The following THADA variants were observed in gnomAD, a reference collection of about 807,000 sequenced individuals.
THADA encodes the protein THADA armadillo repeat containing.
THADA carries 213 observed loss-of-function variants against 219.8 expected under a neutral mutation model. The observed-to-expected ratio is 0.97, with a 90% CI of 0.87 to 1.09. THADA has a LOEUF of 1.09. THADA is among the 50% of genes least tolerant of loss of function. The pLI is 0.00. For missense variants in THADA, 2,956 were observed against 2,311.3 expected (o/e 1.28, Z -5.72); for synonymous variants, 1,018 against 828.9 (o/e 1.23, Z -3.92).
intron 36 of THADA, among the ~76,000 whole-genome samples, chr2:43,254,307 G>C (rs1024706999): frequency 1.3e-5 from 2 of 151,992 alleles, no homozygotes; most frequent in Non-Finnish European, 2.9e-5. Context: ...ACCAACCTAG[G>C]AGCAGAAGGG....
chr2:43,498,692 T>C (rs1688569311), intron 25 of THADA, 141 bp downstream of exon 25: 2 of 955,710 alleles, frequency 2.1e-6, no homozygotes, highest in East Asian at 2.8e-5. Flanking sequence ...GAATCAAAAA[T>C]GTAGCTTGAT....
intron 13 of THADA, 102 bp from the exon 14 acceptor site, chr2:43,570,612 T>G (rs1699187069): frequency 1.6e-6 from 2 of 1,218,314 alleles, no homozygotes; most frequent in East Asian, 5.2e-5. Context: ...GCAAGAAGAG[T>G]ACAGATTTTT....
intron 26 of THADA, among the ~76,000 whole-genome samples, chr2:43,469,557 T>A (rs151124673): frequency 6.6e-6 from 1 of 152,170 alleles, no homozygotes; most frequent in African/African-American, 2.4e-5. Context: ...TATACATAAC[T>A]GGTAAATTTG....
At chr2:43,247,710 A>C (rs2104104786) in intron 36 of THADA, among the ~76,000 whole-genome samples, 1 of 134,978 alleles carries the variant, frequency 7.4e-6, no homozygotes. Flanking sequence ...GACTGGCGAC[A>C]GAGCAAGACT....
rs370538247 is a variant in THADA, at chr2:43,574,554, T to C, written c.1511A>G (p.Asn504Ser). Residue 504 changes from asparagine (N) to serine (S), a missense_variant, in exon 11 of 38, where the codon AAT (asparagine) becomes AGT (serine). Physicochemically the swap from Asn to Ser is conservative, Grantham distance 46 (BLOSUM62 1). Coordinates refer to ENST00000405975, the MANE Select transcript of THADA (RefSeq NM_022065.5). ...ASDLLETMFR[N>S]HKSHLKSQTA... ...CTGGGATTTCAAATGACTCTTATGA[T>C]TTCTAAACATGGTTTCCAAGAGGTC... The C allele has an allele frequency of 1.1e-5, 17 of 1,613,876 alleles. No individual in the cohort carries two copies. The highest frequency in any genetic ancestry group is 2.2e-5 in the South Asian group (2 of 91,080).
chr2:43,558,196 G>A (rs1697619158), intron 16 of THADA, among the ~76,000 whole-genome samples: 1 of 152,166 alleles, frequency 6.6e-6, no homozygotes, highest in African/African-American at 2.4e-5. Flanking sequence ...TAACCTAGGT[G>A]AGTAGGATAG....
rs181046747 is a variant in THADA, at chr2:43,551,524, T to C, written c.2947+265A>G. 4.6e-5 allele frequency among the ~76,000 whole-genome samples: 7 copies of C among 151,892 alleles called. No homozygotes were observed. The East Asian group carries it at 5.8e-4, about 13-fold the overall frequency. On this transcript the variant is annotated intron_variant, in intron 19 of 37. Coordinates refer to ENST00000405975, the MANE Select transcript of THADA (RefSeq NM_022065.5). The stretch of plus-strand genomic sequence containing the variant: ...TTTCAGATTTGGGATGTTCAACTTA[T>C]ACAGTATTATATAACTCAAGTTACC...
chr2:43,343,064 G>C (rs1031311812), intron 30 of THADA: 1 of 151,900 alleles, frequency 6.6e-6, no homozygotes, highest in Non-Finnish European at 1.5e-5. Flanking sequence ...GTCTCACTCT[G>C]TCACCCAGTC....
intron 29 of THADA, among the ~76,000 whole-genome samples, chr2:43,394,612 G>C (rs1196648679): frequency 6.6e-6 from 1 of 152,174 alleles, no homozygotes; most frequent in African/African-American, 2.4e-5. Flanking sequence ...GCTTTATGTG[G>C]AGAGGAATCT....
intron 29 of THADA, among the ~76,000 whole-genome samples, chr2:43,363,908 A>C (rs1275784833): frequency 6.6e-6 from 1 of 152,110 alleles, no homozygotes; most frequent in Non-Finnish European, 1.5e-5. Flanking sequence ...CTCATAGAGC[A>C]AGATCTTCTC....
intron 31 of THADA, among the ~76,000 whole-genome samples, chr2:43,314,831 G>T (rs1677897552): frequency 6.6e-6 from 1 of 152,218 alleles, no homozygotes; most frequent in South Asian, 2.1e-4. Context: ...GAGAGTCCTT[G>T]TGGGTTTAAA....
intron 36 of THADA, among the ~76,000 whole-genome samples, chr2:43,248,164 T>TATAG (rs1669412946): frequency 1.0e-3 from 42 of 40,938 alleles, no homozygotes; most frequent in Non-Finnish European, 1.3e-3. Context: ...TATATATATA[T>TATAG]AGAGAGAGAG....
chr2:43,473,612 G>A (rs1421489896), intron 26 of THADA, among the ~76,000 whole-genome samples: 1 of 151,806 alleles, frequency 6.6e-6, no homozygotes, highest in Non-Finnish European at 1.5e-5. Flanking sequence ...AATCGTACAT[G>A]TTAGGCTTTT....
chr2:43,561,301 T>C (rs996260248), intron 15 of THADA, among the ~76,000 whole-genome samples: 3 of 152,218 alleles, frequency 2.0e-5, no homozygotes, highest in African/African-American at 7.2e-5. Flanking sequence ...CAAACTCTTA[T>C]TCAAGTGTAA....
At chr2:43,345,326 G>A (rs1667516703) in intron 29 of THADA, among the ~76,000 whole-genome samples, 1 of 152,312 alleles carries the variant, frequency 6.6e-6, no homozygotes, top group Middle Eastern at 3.4e-3. Flanking sequence ...GACCCTAAAT[G>A]GGTAGACTGG....
chr2:43,317,950 A>C (rs1400006697), intron 31 of THADA, among the ~76,000 whole-genome samples: 1 of 152,132 alleles, frequency 6.6e-6, no homozygotes, highest in Non-Finnish European at 1.5e-5. Context: ...AATTCTTCCT[A>C]TCTCTCCATT....
intron 31 of THADA, among the ~76,000 whole-genome samples, chr2:43,300,926 T>G (rs1225693721): frequency 6.6e-6 from 1 of 152,174 alleles, no homozygotes; most frequent in Non-Finnish European, 1.5e-5. Context: ...GGCTGATGAT[T>G]TGCATTTTCA....
chr2:43,493,438 T>A (rs1233659171), intron 25 of THADA, among the ~76,000 whole-genome samples: 3 of 152,012 alleles, frequency 2.0e-5, no homozygotes, highest in African/African-American at 7.3e-5. Context: ...GAGGTTGCAG[T>A]GAGATGAGAT....
chr2:43,474,351 G>A (rs868762207), intron 26 of THADA, among the ~76,000 whole-genome samples: 3 of 152,284 alleles, frequency 2.0e-5, no homozygotes, highest in Middle Eastern at 3.4e-3. Flanking sequence ...TGGGAGGAGT[G>A]GAACATGCAG....
Sources: allele counts gnomAD v4.1 joint callset (sites outside exome capture counted in the v4.1 genomes callset), GRCh38; gene constraint gnomAD v4.1.1; transcripts MANE v1.5; gene names NCBI Gene and HGNC (gene_info 2026-07-23, HGNC 2026-07-21).